The following SPAG16 variants were observed in gnomAD, a reference collection of about 807,000 sequenced individuals.
The protein encoded by SPAG16 is sperm associated antigen 16, also known as sperm-associated antigen 16 protein.
SPAG16 carries 86 observed loss-of-function variants against 80.4 expected under a neutral mutation model. That is an observed-to-expected ratio of 1.07 (90% CI 0.90 to 1.28). The LOEUF (loss-of-function observed/expected upper bound fraction) is 1.28, where lower values mean the gene tolerates loss of function less well. Ranked by LOEUF, SPAG16 falls within the 50% of genes most tolerant of loss-of-function variation. SPAG16 has a pLI of 0.00. For missense variants in SPAG16, 870 were observed against 765.3 expected (o/e 1.14, Z -1.61); for synonymous variants, 294 against 265.9 (o/e 1.11, Z -1.03).
At chr2:214,382,594 G>A (rs556633568) in intron 15 of SPAG16, among the ~76,000 whole-genome samples, 1 of 152,246 alleles carries the variant, frequency 6.6e-6, no homozygotes, top group Non-Finnish European at 1.5e-5. Flanking sequence ...CTTAGAGATG[G>A]CACCATCCTC....
intron 13 of SPAG16, among the ~76,000 whole-genome samples, chr2:214,071,875 T>G (rs1452463329): frequency 6.6e-6 from 1 of 152,168 alleles, no homozygotes; most frequent in African/African-American, 2.4e-5. Context: ...GTAATTTAGT[T>G]AGAAACTTAG....
chr2:214,323,312 G>C (rs896021365), intron 15 of SPAG16, among the ~76,000 whole-genome samples: 4 of 124,684 alleles, frequency 3.2e-5, no homozygotes, highest in African/African-American at 9.2e-5. Flanking sequence ...CCATTTACTT[G>C]TGAGATTAAA....
chr2:213,378,884 G>C (rs1198895706), intron 9 of SPAG16, among the ~76,000 whole-genome samples: 2 of 152,164 alleles, frequency 1.3e-5, no homozygotes, highest in East Asian at 3.9e-4. Flanking sequence ...GCAATACTAA[G>C]AGACATCCTA....
At chr2:213,314,620 C>G (rs1050510028) in intron 4 of SPAG16, among the ~76,000 whole-genome samples, 4 of 151,802 alleles carry the variant, frequency 2.6e-5, no homozygotes, top group African/African-American at 9.7e-5. Context: ...GAGATATATA[C>G]TATGTAATAA....
At chr2:213,917,483 G>A (rs905056544) in intron 11 of SPAG16, among the ~76,000 whole-genome samples, 1 of 151,924 alleles carries the variant, frequency 6.6e-6, no homozygotes, top group African/African-American at 2.4e-5. Context: ...TTGTAGAGAC[G>A]TTTCATTTCC....
At chr2:213,318,012 A>G (rs544677842) in intron 5 of SPAG16, 1 of 152,208 alleles carries the variant, frequency 6.6e-6, no homozygotes, top group African/African-American at 2.4e-5. Flanking sequence ...GGTTGAACTA[A>G]TTTACATTCC....
intron 9 of SPAG16, among the ~76,000 whole-genome samples, chr2:213,376,050 T>G (rs2066869335): frequency 6.6e-6 from 1 of 151,380 alleles, no homozygotes; most frequent in African/African-American, 2.4e-5. Flanking sequence ...TACAATAAAA[T>G]AAAAACTAAT....
intron 15 of SPAG16, among the ~76,000 whole-genome samples, chr2:214,161,676 G>A (rs971568071): frequency 1.3e-5 from 2 of 151,966 alleles, no homozygotes; most frequent in Non-Finnish European, 2.9e-5. Context: ...GGCCTGTAGA[G>A]GGGTGGGGTT....
intron 15 of SPAG16, chr2:214,240,004 A>G (rs1465865054): frequency 1.3e-5 from 2 of 152,212 alleles, no homozygotes; most frequent in Non-Finnish European, 2.9e-5. Context: ...AGTAGTCAAT[A>G]CCCACGCCAG....
At position 213,709,855 on chromosome 2, in the gene SPAG16, GC is replaced by G. The variant is rs536754344; in HGVS notation, c.1071-152628del. 1.5e-3 allele frequency among the ~76,000 whole-genome samples: 232 copies of G among 152,230 alleles called. 2 individuals are homozygous for G. The highest frequency in any genetic ancestry group is 5.1e-3 in the African/African-American group (212 of 41,530). On this transcript the variant is annotated intron_variant, in intron 10 of 15. Transcript: ENST00000331683. ...CTCAGAATACACAGGTTTGACCATTGCCTAAATGCTAATCATTAATTCAAAG... is the reference window on the plus strand; with the variant it reads ...CTCAGAATACACAGGTTTGACCATTGCTAAATGCTAATCATTAATTCAAAG...
intron 14 of SPAG16, among the ~76,000 whole-genome samples, chr2:214,108,608 C>T (rs1395921951): frequency 1.3e-5 from 2 of 151,962 alleles, no homozygotes; most frequent in Non-Finnish European, 2.9e-5. Flanking sequence ...CTATAGACTG[C>T]ATAAAATTTT....
chr2:213,724,732 G>T (rs374388736), intron 10 of SPAG16, among the ~76,000 whole-genome samples: 1 of 113,440 alleles, frequency 8.8e-6, no homozygotes, highest in East Asian at 3.2e-4. Context: ...AGCCGAAAAA[G>T]CACCACTGCA....
intron 1 of SPAG16, among the ~76,000 whole-genome samples, chr2:213,292,343 A>C (rs888321285): frequency 1.3e-5 from 2 of 152,298 alleles, no homozygotes; most frequent in African/African-American, 4.8e-5. Flanking sequence ...CCTCTAGCTG[A>C]ACCTTCGGAA....
At chr2:213,718,681 C>A (rs1574928179) in intron 10 of SPAG16, among the ~76,000 whole-genome samples, 1 of 152,210 alleles carries the variant, frequency 6.6e-6, no homozygotes, top group East Asian at 1.9e-4. Context: ...AGTGCTGGCC[C>A]ACCTGCGCTG....
At chr2:213,297,546 A>T (rs2062557653) in intron 3 of SPAG16, among the ~76,000 whole-genome samples, 189 bp downstream of exon 3, 1 of 152,154 alleles carries the variant, frequency 6.6e-6, no homozygotes. Flanking sequence ...TTGGATTGCC[A>T]TTCTCCACAT....
At chr2:214,114,687 C>T (rs1475773708) in intron 14 of SPAG16, among the ~76,000 whole-genome samples, 2 of 152,156 alleles carry the variant, frequency 1.3e-5, no homozygotes, top group African/African-American at 2.4e-5. Context: ...GCGGGAGTGT[C>T]CCGTTTTTCC....
chr2:213,371,970 A>G (rs7585278), intron 8 of SPAG16, among the ~76,000 whole-genome samples: 132,988 of 152,100 alleles, frequency 0.87, 60,222 homozygotes, highest in East Asian at 1. Context: ...AAAAGTAGAA[A>G]AATTTCTGGG....
At chr2:214,017,438 G>GT (rs1159195699) in intron 13 of SPAG16, among the ~76,000 whole-genome samples, 1 of 152,036 alleles carries the variant, frequency 6.6e-6, no homozygotes, top group African/African-American at 2.4e-5. Flanking sequence ...TGACTTCAAG[G>GT]TTTTTTTCTC....
intron 10 of SPAG16, among the ~76,000 whole-genome samples, chr2:213,645,181 T>G (rs897453016): frequency 1.3e-5 from 2 of 152,164 alleles, no homozygotes; most frequent in African/African-American, 4.8e-5. Flanking sequence ...AATGTTTCCT[T>G]AAGGCCCAAG....
Sources: gnomAD v4.1 joint callset for allele counts (sites outside exome capture counted in the v4.1 genomes callset) on GRCh38, gnomAD v4.1.1 for gene constraint, MANE v1.5 for transcripts, NCBI Gene and HGNC (gene_info 2026-07-23, HGNC 2026-07-21) for gene names.